FEM1C: variants seen among roughly 807,000 people sequenced by gnomAD.
The protein encoded by FEM1C is protein fem-1 homolog C.
A neutral mutation model predicts 37.6 loss-of-function variants in FEM1C; 15 were observed. The ratio of observed to expected loss-of-function variants is 0.40; its 90% CI spans 0.27 to 0.61. The LOEUF (loss-of-function observed/expected upper bound fraction) is 0.61. Ranked by LOEUF, FEM1C falls within the 20% of genes least tolerant of loss-of-function variation. The probability of loss-of-function intolerance (pLI) is 0.42; values close to 1 mark genes in which losing one functional copy is unlikely to be tolerated. For missense variants in FEM1C, 532 were observed against 749.7 expected (o/e 0.71, Z 3.39); for synonymous variants, 287 against 272.8 (o/e 1.05, Z -0.51).
At position 115,542,903 on chromosome 5, in the gene FEM1C, T is replaced by C. The variant is rs368223708; in HGVS notation, c.544+47A>G. ...GCTTATAATGATGTATCAAACTTCC[T>C]GAAAATAAGTGGTAGACATTTAGAA... On this transcript the variant is annotated intron_variant, in intron 2 of 2. Transcript: ENST00000274457. 130 of 1,566,356 alleles carry C rather than the reference T, an allele frequency of 8.3e-5. No homozygotes were observed. In the African/African-American group the frequency reaches 1.7e-3, roughly 21 times the overall value.
In FEM1C at chr5:115,522,729, A is replaced by G. The variant is rs1753801273; in HGVS notation, c.*1579T>C. ...GAGTGATCCAGCTCATTGAACTCACAGGTAAACTGAGTTTTTCTCAAATCA... is the reference window on the plus strand; with the variant it reads ...GAGTGATCCAGCTCATTGAACTCACGGGTAAACTGAGTTTTTCTCAAATCA... On this transcript the variant is annotated 3_prime_UTR_variant, in exon 3 of 3. Transcript: ENST00000274457. The G allele has an allele frequency of 6.6e-6, 1 of 152,462 alleles. No homozygotes were observed. The highest frequency in any genetic ancestry group is 2.4e-5 in the African/African-American group (1 of 41,452). The allele number at this position is 152,462 out of a possible 1,614,324, so 9.4% of individuals were successfully genotyped here.
chr5:115,535,284 T>TA (rs5870660), intron 2 of FEM1C, among the ~76,000 whole-genome samples: 103,765 of 139,962 alleles, frequency 0.74, 38,241 homozygotes, highest in Middle Eastern at 0.84. Flanking sequence ...TCAAAAAAGT[T>TA]AAAAAAAAAA....
rs1753803139 is a variant in FEM1C, at chr5:115,522,835, C to A, written c.*1473G>T. 6.6e-6 allele frequency: 1 copy of A among 152,352 alleles called. No individual in the cohort carries two copies. The highest frequency in any genetic ancestry group is 1.5e-5 in the Non-Finnish European group (1 of 67,882). 9.4% of individuals were successfully genotyped at this position (152,352 alleles called of 1,614,324 possible). On this transcript the variant is annotated 3_prime_UTR_variant, in exon 3 of 3. Coordinates refer to ENST00000274457, the MANE Select transcript of FEM1C (RefSeq NM_020177.3). ...CCATCATAAATTTTATTCTGAATTACAATAAAGTGCTGAATGATAATTACC... is the reference window on the plus strand; with the variant it reads ...CCATCATAAATTTTATTCTGAATTAAAATAAAGTGCTGAATGATAATTACC...
chr5:115,543,677 C>A lies in FEM1C; in HGVS notation c.-184G>T, dbSNP rs1754290555. 6 of 1,355,646 alleles carry A rather than the reference C, an allele frequency of 4.4e-6. No individual in the cohort carries two copies. The African/African-American group carries it at 6.0e-5, about 14-fold the overall frequency. 84.0% of individuals were successfully genotyped at this position (1,355,646 alleles called of 1,614,324 possible). ...GCTTTCCAACATCTGACAACCAGGG[C>A]ACCAAACTAGAGAAAGAAAAAAAAA... On this transcript the variant is annotated 5_prime_UTR_variant, in exon 2 of 3. Transcript: ENST00000274457.
Position 115,522,965 on chromosome 5 carries a change from G to C in FEM1C, c.*1343C>G, listed in dbSNP as rs1176471803. ...AGTGAGAGAGAGAGAGAGAGAGAAA[G>C]AGAAAGAGAAAGAAAGAGTGAGAGA... On this transcript the variant is annotated 3_prime_UTR_variant, in exon 3 of 3. Transcript: ENST00000274457. 1 of 152,070 alleles carries C rather than the reference G, an allele frequency of 6.6e-6. No individual in the cohort carries two copies. Among genetic ancestry groups the C allele is most frequent in the African/African-American group, 2.4e-5 (1 of 41,262 alleles). The allele number at this position is 152,070 out of a possible 1,614,324, so 9.4% of individuals were successfully genotyped here. A position where few individuals can be genotyped will look rare whatever the true frequency, so the allele number is the denominator to read the frequency against.
intron 1 of FEM1C, 174 bp from the exon 2 acceptor site, chr5:115,543,857 G>A (rs1328109666): frequency 1.0e-6 from 1 of 984,608 alleles, no homozygotes; most frequent in East Asian, 1.1e-4. Flanking sequence ...AATACAGAAG[G>A]ATACACAGAG....
chr5:115,537,379 A>G (rs1754150854), intron 2 of FEM1C, among the ~76,000 whole-genome samples: 1 of 152,120 alleles, frequency 6.6e-6, no homozygotes, highest in African/African-American at 2.4e-5. Context: ...TACTGCCACG[A>G]ACAATATGAA....
In FEM1C at chr5:115,522,090, G is replaced by A. The variant is rs775467577; in HGVS notation, c.*2218C>T. ...AAATTCTGCTGCAAAACAGTGAGAT[G>A]TGCCTCACTATAAGAGCATGTAAGC... On this transcript the variant is annotated 3_prime_UTR_variant, in exon 3 of 3. Transcript: ENST00000274457. 2.0e-5 allele frequency: 3 copies of A among 151,876 alleles called. No individual in the cohort carries two copies. The highest frequency in any genetic ancestry group is 6.6e-5 in the Admixed American group (1 of 15,230). The allele number at this position is 151,876 out of a possible 1,614,324, so 9.4% of individuals were successfully genotyped here.
At chr5:115,535,620 T>G (rs945961096) in intron 2 of FEM1C, among the ~76,000 whole-genome samples, 9 of 152,040 alleles carry the variant, frequency 5.9e-5, no homozygotes, top group East Asian at 1.9e-4. Context: ...GGAGAGGGTG[T>G]GGAGAAACTG....
rs1753776729 is a variant in FEM1C, at chr5:115,521,603, G to GC, written c.*2704dup. The stretch of plus-strand genomic sequence containing the variant: ...CAGTGGAACATCTAAAATTCAGGAG[G>GC]CCCCAAAAGGGCATTTTCATAGAAA... On this transcript the variant is annotated 3_prime_UTR_variant, in exon 3 of 3. Coordinates refer to ENST00000274457, the MANE Select transcript of FEM1C (RefSeq NM_020177.3). The GC allele has an allele frequency of 6.6e-6, 1 of 151,552 alleles. No homozygotes were observed. The highest frequency in any genetic ancestry group is 2.1e-4 in the South Asian group (1 of 4,812). 9.4% of individuals were successfully genotyped at this position (151,552 alleles called of 1,614,324 possible). A position where few individuals can be genotyped will look rare whatever the true frequency, so the allele number is the denominator to read the frequency against.
rs1405463056 is a variant in FEM1C, at chr5:115,523,516, ATC to A, written c.*790_*791del. 6.6e-6 allele frequency: 1 copy of A among 152,522 alleles called. No individual in the cohort carries two copies. Among genetic ancestry groups the A allele is most frequent in the Non-Finnish European group, 1.5e-5 (1 of 67,978 alleles). 9.4% of individuals were successfully genotyped at this position (152,522 alleles called of 1,614,324 possible). A position where few individuals can be genotyped will look rare whatever the true frequency, so the allele number is the denominator to read the frequency against. ...CAACTGGGTTAATGAGTTAGAATAGATCTGTTTCCCAAATTTAGCACACAATA... is the reference window on the plus strand; with the variant it reads ...CAACTGGGTTAATGAGTTAGAATAGATGTTTCCCAAATTTAGCACACAATA... On this transcript the variant is annotated 3_prime_UTR_variant, in exon 3 of 3. Transcript: ENST00000274457.
At chr5:115,530,545 G>T (rs918967996) in intron 2 of FEM1C, among the ~76,000 whole-genome samples, 3 of 152,026 alleles carry the variant, frequency 2.0e-5, no homozygotes, top group Non-Finnish European at 4.4e-5. Context: ...AAAAGAACAT[G>T]GCACTCAACA....
intron 2 of FEM1C, among the ~76,000 whole-genome samples, chr5:115,533,242 C>T (rs1350826920): frequency 2.0e-5 from 3 of 151,900 alleles, no homozygotes; most frequent in African/African-American, 7.2e-5. Context: ...AGAATATTTT[C>T]TCATATCTGT....
chr5:115,531,952 C>T (rs1754025044), intron 2 of FEM1C, among the ~76,000 whole-genome samples: 1 of 152,054 alleles, frequency 6.6e-6, no homozygotes, highest in Non-Finnish European at 1.5e-5. Context: ...AGTACTTCTC[C>T]CAGCACCAAG....
intron 2 of FEM1C, among the ~76,000 whole-genome samples, chr5:115,541,235 T>A (rs965584200): frequency 1.3e-5 from 2 of 152,072 alleles, no homozygotes; most frequent in South Asian, 4.1e-4. Flanking sequence ...TAGAACAGCA[T>A]ATAAAACTGC....
rs866353814 is a variant in FEM1C at position 115,522,337 on chromosome 5, G to T, written c.*1971C>A. On this transcript the variant is annotated 3_prime_UTR_variant, in exon 3 of 3. Transcript: ENST00000274457. The stretch of plus-strand genomic sequence containing the variant: ...GACATTTGATATTTCTAGAATATTG[G>T]TCTAAATCATAAAGTATTCTTAATA... The T allele has an allele frequency of 2.7e-4, 41 of 151,778 alleles. No homozygotes were observed. The highest frequency in any genetic ancestry group is 7.7e-4 in the African/African-American group (32 of 41,364). 9.4% of individuals were successfully genotyped at this position (151,778 alleles called of 1,614,324 possible).
intron 2 of FEM1C, among the ~76,000 whole-genome samples, chr5:115,536,001 G>A (rs1035256800): frequency 5.3e-5 from 8 of 152,018 alleles, no homozygotes; most frequent in African/African-American, 1.4e-4. Context: ...TAAATTAAAT[G>A]TCCAGAACAG....
chr5:115,542,890 G>C, intron 2 of FEM1C, 60 bp downstream of exon 2: 1 of 1,555,168 alleles, frequency 6.4e-7, no homozygotes. Flanking sequence ...TTATAATGAT[G>C]TATCAAACTT....
chr5:115,526,482 C>T (rs987034880), intron 2 of FEM1C, among the ~76,000 whole-genome samples: 2 of 152,046 alleles, frequency 1.3e-5, no homozygotes, highest in African/African-American at 2.4e-5. Flanking sequence ...CCTTTTCTTC[C>T]CACACACAGA....
Sources: allele counts gnomAD v4.1 joint callset (sites outside exome capture counted in the v4.1 genomes callset), GRCh38; gene constraint gnomAD v4.1.1; transcripts MANE v1.5; gene names NCBI Gene and HGNC (gene_info 2026-07-23, HGNC 2026-07-21).